The following PCBD2 variants were observed in gnomAD, a reference collection of about 807,000 sequenced individuals.
The protein encoded by PCBD2 is pterin-4-alpha-carbinolamine dehydratase 2.
In PCBD2, 12 loss-of-function variants were observed where a neutral mutation model predicts 16.4. The ratio of observed to expected loss-of-function variants is 0.73; its 90% CI spans 0.47 to 1.19. The LOEUF (loss-of-function observed/expected upper bound fraction) is 1.19, where lower values mean the gene tolerates loss of function less well. Among genes scored for constraint, PCBD2 ranks in the 50% most tolerant of loss-of-function variants. The probability of loss-of-function intolerance (pLI) is 0.00; values close to 1 mark genes in which losing one functional copy is unlikely to be tolerated. For synonymous variants in PCBD2, 58 were observed against 61.8 expected (o/e 0.94, Z 0.29); for missense variants, 138 against 156.8 (o/e 0.88, Z 0.64).
intron 2 of PCBD2, among the ~76,000 whole-genome samples, chr5:134,914,158 C>G (rs1039509775): frequency 6.6e-6 from 1 of 151,964 alleles, no homozygotes; most frequent in Non-Finnish European, 1.5e-5. Context: ...GGAGGCACAG[C>G]GATGATATGT....
intron 2 of PCBD2, chr5:134,926,308 G>T (rs545797678): frequency 5.6e-6 from 2 of 357,056 alleles, no homozygotes; most frequent in African/African-American, 4.2e-5. Context: ...GAATATTGTT[G>T]TGGGGAAGAG....
intron 2 of PCBD2, 97 bp from the exon 3 acceptor site, chr5:134,958,943 C>A: frequency 1.1e-6 from 1 of 892,888 alleles, no homozygotes; most frequent in Non-Finnish European, 1.8e-6. Flanking sequence ...CCTAAGGATC[C>A]TTGCCTGCCT....
intron 2 of PCBD2, among the ~76,000 whole-genome samples, chr5:134,918,718 T>C (rs1580879803): frequency 6.6e-6 from 1 of 152,316 alleles, no homozygotes; most frequent in East Asian, 1.9e-4. Flanking sequence ...GAGACACTCA[T>C]ATTTTAGCAA....
At chr5:134,942,105 T>G (rs1325236893) in intron 2 of PCBD2, among the ~76,000 whole-genome samples, 2 of 117,722 alleles carry the variant, frequency 1.7e-5, no homozygotes, top group African/African-American at 6.7e-5. Context: ...CACTCCAGCC[T>G]GGGCAATAGA....
intron 2 of PCBD2, among the ~76,000 whole-genome samples, chr5:134,929,512 A>G (rs1225967631): frequency 6.6e-6 from 1 of 151,650 alleles, no homozygotes; most frequent in Non-Finnish European, 1.5e-5. Context: ...GACATCAGTG[A>G]CCGTAGCAAA....
intron 2 of PCBD2, among the ~76,000 whole-genome samples, chr5:134,912,704 T>C (rs1750783483): frequency 6.6e-6 from 1 of 152,140 alleles, no homozygotes; most frequent in African/African-American, 2.4e-5. Context: ...TGCAGAGTGG[T>C]CTTGTTTTTG....
intron 1 of PCBD2, among the ~76,000 whole-genome samples, chr5:134,907,281 G>A (rs1273150764): frequency 6.6e-6 from 1 of 152,224 alleles, no homozygotes; most frequent in Non-Finnish European, 1.5e-5. Flanking sequence ...GTCTCGCTCT[G>A]TTGCCCAGAC....
chr5:134,952,583 T>C (rs1751370400), intron 2 of PCBD2, among the ~76,000 whole-genome samples: 1 of 152,070 alleles, frequency 6.6e-6, no homozygotes, highest in Non-Finnish European at 1.5e-5. Flanking sequence ...GTGGGAAGAT[T>C]ACTTGAGGCC....
At chr5:134,927,665 G>A (rs1277092290) in intron 2 of PCBD2, 1 of 398,094 alleles carries the variant, frequency 2.5e-6, no homozygotes, top group African/African-American at 2.1e-5. Flanking sequence ...GGATAAGTGT[G>A]GTTTCGAAGA....
At chr5:134,907,400 C>T (rs533861779) in intron 1 of PCBD2, among the ~76,000 whole-genome samples, 4 of 152,256 alleles carry the variant, frequency 2.6e-5, no homozygotes, top group East Asian at 1.9e-4. Flanking sequence ...CGTGCCACCA[C>T]GCTTGGCTAA....
intron 2 of PCBD2, among the ~76,000 whole-genome samples, chr5:134,912,468 G>A (rs1480012646): frequency 6.6e-6 from 1 of 152,216 alleles, no homozygotes; most frequent in African/African-American, 2.4e-5. Context: ...ATAGGATTTG[G>A]GCTGTGGTAG....
At chr5:134,932,048 C>CT (rs1751104833) in intron 2 of PCBD2, among the ~76,000 whole-genome samples, 1 of 152,164 alleles carries the variant, frequency 6.6e-6, no homozygotes, top group African/African-American at 2.4e-5. Flanking sequence ...CAGCTGAAAA[C>CT]TTTATTTGGA....
intron 1 of PCBD2, among the ~76,000 whole-genome samples, chr5:134,906,522 C>T (rs114447807): frequency 0.01 from 1,528 of 152,208 alleles, 9 homozygotes; most frequent in Non-Finnish European, 0.015. Flanking sequence ...ATAGGCACTC[C>T]GCCGCTTCTT....
chr5:134,940,871 T>TG (rs1751218001), intron 2 of PCBD2, among the ~76,000 whole-genome samples: 1 of 152,084 alleles, frequency 6.6e-6, no homozygotes, highest in Non-Finnish European at 1.5e-5. Flanking sequence ...GGTTCACGCC[T>TG]GTAATCCCAG....
chr5:134,937,559 A>G (rs1403499020), intron 2 of PCBD2, among the ~76,000 whole-genome samples: 2 of 152,254 alleles, frequency 1.3e-5, no homozygotes, highest in African/African-American at 4.8e-5. Context: ...TCAGACTCAC[A>G]CAGCGGACAT....
chr5:134,905,321 C>T lies in PCBD2; in HGVS notation c.84+98C>T, dbSNP rs1750671459. On this transcript the variant is annotated intron_variant, in intron 1 of 3. Transcript: ENST00000254908. ...AGGGACCAGCGGGACTGGGGCGAACCCGGCGTGGGCCGAGCCTTGGAGCTC... is the reference window on the plus strand; with the variant it reads ...AGGGACCAGCGGGACTGGGGCGAACTCGGCGTGGGCCGAGCCTTGGAGCTC... The T allele has an allele frequency of 6.6e-6, 7 of 1,060,872 alleles. No individual in the cohort carries two copies. In the South Asian group the frequency reaches 3.3e-4, roughly 50 times the overall value. 65.7% of individuals were successfully genotyped at this position (1,060,872 alleles called of 1,614,324 possible).
chr5:134,952,208 C>A (rs536683450), intron 2 of PCBD2, among the ~76,000 whole-genome samples: 56 of 150,028 alleles, frequency 3.7e-4, no homozygotes, highest in African/African-American at 1.3e-3. Flanking sequence ...CTAGCATTTC[C>A]CTATAAAGAA....
At chr5:134,929,515 G>A (rs376596439) in intron 2 of PCBD2, among the ~76,000 whole-genome samples, 1 of 152,124 alleles carries the variant, frequency 6.6e-6, no homozygotes, top group Non-Finnish European at 1.5e-5. Flanking sequence ...ATCAGTGACC[G>A]TAGCAAAGTT....
Position 134,905,156 on chromosome 5 carries a change from G to T in PCBD2, c.17G>T (p.Gly6Val). The T allele has an allele frequency of 8.2e-7, 1 of 1,221,954 alleles. No homozygotes were observed. The highest frequency in any genetic ancestry group is 1.0e-6 in the Non-Finnish European group (1 of 982,004). The allele number at this position is 1,221,954 out of a possible 1,614,324, so 75.7% of individuals were successfully genotyped here. A position where few individuals can be genotyped will look rare whatever the true frequency, so the allele number is the denominator to read the frequency against. Reference protein sequence around the residue: MAAVLGALGATRRLLA... With the variant: MAAVLVALGATRRLLA... ...AGACGGCCAATGGCGGCGGTGCTCG[G>T]GGCGCTCGGGGCGACGCGGCGCTTG... The change falls in exon 1 of 4, where the codon GGG becomes GTG. Residue 6 changes from glycine (G) to valine (V), a missense_variant. Physicochemically the swap from Gly to Val is moderately radical, Grantham distance 109. Transcript: ENST00000254908.
Sources: gnomAD v4.1 joint callset for allele counts (sites outside exome capture counted in the v4.1 genomes callset) on GRCh38, gnomAD v4.1.1 for gene constraint, MANE v1.5 for transcripts, NCBI Gene and HGNC (gene_info 2026-07-23, HGNC 2026-07-21) for gene names.